RGS12: variants seen among roughly 807,000 people sequenced by gnomAD.
RGS12 encodes regulator of G protein signaling 12.
A neutral mutation model predicts 120.1 loss-of-function variants in RGS12; 66 were observed. The observed-to-expected ratio is 0.55, with a 90% CI of 0.45 to 0.67. The LOEUF is 0.67. Among genes scored for constraint, RGS12 ranks in the 30% least tolerant of loss-of-function variants. The pLI, the probability that RGS12 is intolerant of heterozygous loss-of-function variation, is 0.00. For missense variants in RGS12, 1,859 were observed against 1,957.7 expected (o/e 0.95, Z 0.95); for synonymous variants, 827 against 804.7 (o/e 1.03, Z -0.47).
Position 3,342,863 on chromosome 4 carries a change from T to C in RGS12, c.1882-74T>C, listed in dbSNP as rs1040021543. On this transcript the variant is annotated intron_variant, in intron 2 of 17. Transcript: ENST00000336727. ...TCCACAGTATTCCTTGATTTTCTGC[T>C]ATGCCATGCATTGGACAAGACTAAA... is the stretch of plus-strand genomic sequence containing the variant. The C allele has an allele frequency of 4.2e-6, 4 of 959,210 alleles. No homozygotes were observed. The Admixed American group carries it at 7.7e-5, about 18-fold the overall frequency. 59.4% of individuals were successfully genotyped at this position (959,210 alleles called of 1,614,324 possible).
chr4:3,316,143 G>A lies in RGS12; in HGVS notation c.-28G>A, dbSNP rs749106920. 8 of 1,517,890 alleles carry A rather than the reference G, an allele frequency of 5.3e-6. No individual in the cohort carries two copies. Among genetic ancestry groups the A allele is most frequent in the Middle Eastern group, 1.8e-4 (1 of 5,630 alleles). The allele number at this position is 1,517,890 out of a possible 1,614,324, so 94.0% of individuals were successfully genotyped here. ...TATGGCTCCAAGGGAACAATGAGAC[G>A]TGCTCTTGGTCTTGGAAGCTCATCA... On this transcript the variant is annotated 5_prime_UTR_variant, in exon 2 of 18. In the 5' UTR this introduces an upstream ATG that the reference lacks. Coordinates refer to ENST00000336727, the MANE Select transcript of RGS12 (RefSeq NM_001394154.1).
chr4:3,325,934 A>G (rs1725527741), intron 2 of RGS12, among the ~76,000 whole-genome samples: 1 of 152,236 alleles, frequency 6.6e-6, no homozygotes. Flanking sequence ...AAACCATATG[A>G]CCATCTCAAT....
Position 3,384,842 on chromosome 4 carries a change from G to A in RGS12, c.1999-1574G>A, listed in dbSNP as rs1045946785. Reference sequence around the variant, plus strand: ...AGGATGCGCATAGCTGGTGTAGGTCGCAGGGCCAGGGCTGGCAGTGGACCC... The same window carrying A: ...AGGATGCGCATAGCTGGTGTAGGTCACAGGGCCAGGGCTGGCAGTGGACCC... On this transcript the variant is annotated intron_variant, in intron 3 of 17. Transcript: ENST00000336727. Among the ~76,000 whole-genome samples the A allele has an allele frequency of 2.7e-5, 4 of 148,890 alleles. No individual in the cohort carries two copies. The South Asian group carries it at 6.4e-4, about 24-fold the overall frequency.
At chr4:3,322,567 ACT>A (rs1259200594) in intron 2 of RGS12, among the ~76,000 whole-genome samples, 1 of 152,200 alleles carries the variant, frequency 6.6e-6, no homozygotes, top group Non-Finnish European at 1.5e-5. Flanking sequence ...GTCTCTGCAA[ACT>A]GACTCAAAGT....
rs1724868444 is a variant in RGS12 at position 3,317,564 on chromosome 4, C to G, written c.1394C>G (p.Ala465Gly). 4 of 1,606,360 alleles carry G rather than the reference C, an allele frequency of 2.5e-6. No individual in the cohort carries two copies. Among genetic ancestry groups the G allele is most frequent in the Non-Finnish European group, 3.4e-6 (4 of 1,177,554 alleles). The change falls in exon 2 of 18, where the codon GCC (alanine) becomes GGC (glycine). Residue 465 changes from alanine (A) to glycine (G), a missense_variant. Ala to Gly is a moderately conservative substitution (Grantham distance 60, BLOSUM62 0). Transcript: ENST00000336727. ...SAWDGVGGRG[A>G]QPWGAPWTGP... is the part of the protein sequence containing the mutation. ...TGGGACGGTGTGGGTGGGAGGGGTG[C>G]CCAGCCCTGGGGTGCTCCCTGGACT...
rs532563630 is a variant in RGS12, at chr4:3,363,966, G to A, written c.1998+20913G>A. Among the ~76,000 whole-genome samples the A allele has an allele frequency of 1.4e-4, 21 of 152,292 alleles. No individual in the cohort carries two copies. In the South Asian group the frequency reaches 2.1e-3, roughly 15 times the overall value. On this transcript the variant is annotated intron_variant, in intron 3 of 17. Coordinates refer to ENST00000336727, the MANE Select transcript of RGS12 (RefSeq NM_001394154.1). ...CCAGGCTTGCAGAAGCCATGCTGCC[G>A]GAGAGGCCGGGCACTGGGAGTCTGG...
chr4:3,291,256 CTCTGGAAGAT>C (rs1331767755), upstream of RGS12, among the ~76,000 whole-genome samples: 1 of 152,174 alleles, frequency 6.6e-6, no homozygotes, highest in East Asian at 1.9e-4. Context: ...CTTGGCGCTG[CTCTGGAAGAT>C]TCCACCATCT....
In RGS12 at chr4:3,428,699, G is replaced by A. The variant is rs1446249957; in HGVS notation, c.3553G>A (p.Asp1185Asn). 6.3e-7 allele frequency: 1 copy of A among 1,594,928 alleles called. No homozygotes were observed. The highest frequency in any genetic ancestry group is 8.5e-7 in the Non-Finnish European group (1 of 1,175,142). ...GKKKYQKINL[D>N]EAEEFFELIS... ...AAAAAAATATCAGAAAATTAATTTGGACGAAGCAGAGGGTATGTGAACTTT... is the reference window on the plus strand; with the variant it reads ...AAAAAAATATCAGAAAATTAATTTGAACGAAGCAGAGGGTATGTGAACTTT... The change falls in exon 16 of 18, where the codon GAC (aspartate) becomes AAC (asparagine). Residue 1185 changes from aspartate (D) to asparagine (N), a missense_variant. Coordinates refer to ENST00000336727, the MANE Select transcript of RGS12 (RefSeq NM_001394154.1).
chr4:3,294,276 G>A (rs551256718), intron 1 of RGS12, among the ~76,000 whole-genome samples: 1 of 152,360 alleles, frequency 6.6e-6, no homozygotes, highest in Admixed American at 6.5e-5. Flanking sequence ...GCCTTCCCAG[G>A]CAAGGCAGCA....
intron 3 of RGS12, among the ~76,000 whole-genome samples, chr4:3,383,613 G>A (rs1433618065): frequency 6.7e-6 from 1 of 149,566 alleles, no homozygotes; most frequent in Non-Finnish European, 1.5e-5. Flanking sequence ...AAAAAAAAAA[G>A]TATGTGTATC....
Position 3,372,660 on chromosome 4 carries a change from T to G in RGS12, c.1999-13756T>G, listed in dbSNP as rs1056004323. ...TGTGACGTCTCAGGGTGTCCTTTCT[T>G]TCCTTCATGAGAAGAAGTTCTGCAG... On this transcript the variant is annotated intron_variant, in intron 3 of 17. Coordinates refer to ENST00000336727, the MANE Select transcript of RGS12 (RefSeq NM_001394154.1). This position sits in a 1 kb window ranked among gnomAD's most constrained non-coding sequence, Gnocchi z 4.3. Among the ~76,000 whole-genome samples, 6 of 152,254 alleles carry G rather than the reference T, an allele frequency of 3.9e-5. No homozygotes were observed. The highest frequency in any genetic ancestry group is 8.8e-5 in the Non-Finnish European group (6 of 68,048).
chr4:3,308,517 G>A (rs1437173357), intron 1 of RGS12, among the ~76,000 whole-genome samples: 1 of 152,172 alleles, frequency 6.6e-6, no homozygotes, highest in Non-Finnish European at 1.5e-5. Flanking sequence ...CGAGGTGTAT[G>A]GGGAGAACAG....
Position 3,417,290 on chromosome 4 carries a change from A to C in RGS12, c.2608-98A>C, listed in dbSNP as rs1025567276. 4 of 1,371,642 alleles carry C rather than the reference A, an allele frequency of 2.9e-6. No homozygotes were observed. The African/African-American group carries it at 5.9e-5, about 20-fold the overall frequency. 85.0% of individuals were successfully genotyped at this position (1,371,642 alleles called of 1,614,324 possible). ...CTGTAGAAGTGATACCATCCCATAG[A>C]GTGCTTGTGTTTACAGCTCAGTATT... is the stretch of plus-strand genomic sequence containing the variant. On this transcript the variant is annotated intron_variant, in intron 8 of 17. Coordinates refer to ENST00000336727, the MANE Select transcript of RGS12 (RefSeq NM_001394154.1).
chr4:3,324,476 G>A (rs546658035), intron 2 of RGS12: 26 of 219,558 alleles, frequency 1.2e-4, no homozygotes, highest in Non-Finnish European at 2.3e-4. Context: ...GGTACTGTGG[G>A]CCAGCGTACG....
At position 3,433,350 on chromosome 4, in the gene RGS12, C is replaced by T. The variant is rs994966400; in HGVS notation, c.4114+2395C>T. 2.0e-5 allele frequency among the ~76,000 whole-genome samples: 3 copies of T among 152,200 alleles called. No homozygotes were observed. The highest frequency in any genetic ancestry group is 2.9e-5 in the Non-Finnish European group (2 of 68,022). ...CATGGTGGGCAGCATGCCGGCTACG[C>T]GTGGGGGCTGCCAGCAACAGCCTTG... On this transcript the variant is annotated intron_variant, in intron 17 of 17. Transcript: ENST00000336727. The surrounding 1 kb of genome is among the most constrained non-coding windows in gnomAD (Gnocchi z 4.4).
chr4:3,383,844 T>A (rs1718528948), intron 3 of RGS12, among the ~76,000 whole-genome samples: 1 of 152,078 alleles, frequency 6.6e-6, no homozygotes, highest in African/African-American at 2.4e-5. Flanking sequence ...CATCACACAC[T>A]CCCTGGCCAC....
intron 3 of RGS12, among the ~76,000 whole-genome samples, chr4:3,382,384 C>A (rs1578879064): frequency 1.3e-5 from 2 of 152,206 alleles, no homozygotes; most frequent in Admixed American, 6.5e-5. Flanking sequence ...CACAGACAAG[C>A]CCAGCCGTGG....
At chr4:3,418,483 T>G (rs1722648648) in intron 9 of RGS12, 1 of 152,300 alleles carries the variant, frequency 6.6e-6, no homozygotes, top group Admixed American at 6.5e-5. Flanking sequence ...GTGAGGTGAT[T>G]GCGATAGCAC....
At chr4:3,332,821 T>C (rs1712010038) in intron 2 of RGS12, among the ~76,000 whole-genome samples, 1 of 152,196 alleles carries the variant, frequency 6.6e-6, no homozygotes, top group Non-Finnish European at 1.5e-5. Flanking sequence ...ACACTTTGTG[T>C]CTTTTATATA....
Sources: allele counts gnomAD v4.1 joint callset (sites outside exome capture counted in the v4.1 genomes callset), GRCh38; gene constraint gnomAD v4.1.1; non-coding constraint Gnocchi (gnomAD v3.1); transcripts MANE v1.5; gene names NCBI Gene and HGNC (gene_info 2026-07-23, HGNC 2026-07-21).